The following BBOX1 variants were observed in gnomAD, a reference collection of about 807,000 sequenced individuals.
BBOX1 encodes gamma-butyrobetaine dioxygenase.
A neutral mutation model predicts 41.6 loss-of-function variants in BBOX1; 35 were observed. The ratio of observed to expected loss-of-function variants is 0.84; its 90% CI spans 0.64 to 1.11. BBOX1 has a LOEUF of 1.11. BBOX1 is among the 50% of genes most tolerant of loss of function. The probability of loss-of-function intolerance (pLI) is 0.00; values close to 1 mark genes in which losing one functional copy is unlikely to be tolerated. For missense variants in BBOX1, 458 were observed against 460.6 expected (o/e 0.99, Z 0.05); for synonymous variants, 163 against 154.7 (o/e 1.05, Z -0.40).
At chr11:27,043,459 C>CAGAATGTGCAGGGTTGGGGTACAT (rs1564948369) in intron 2 of BBOX1, among the ~76,000 whole-genome samples, 1 of 151,306 alleles carries the variant, frequency 6.6e-6, no homozygotes, top group African/African-American at 2.4e-5. Flanking sequence ...TTGGGGTACA[C>CAGAATGTGCAGGGTTGGGGTACAT]GTGCAGAATG....
chr11:27,049,819 CTCTT>C (rs1160527144), intron 2 of BBOX1, among the ~76,000 whole-genome samples: 2 of 152,218 alleles, frequency 1.3e-5, no homozygotes, highest in African/African-American at 2.4e-5. Context: ...TCTCCTCACT[CTCTT>C]TATTATTTCC....
chr11:27,075,516 T>C (rs1415738985), intron 4 of BBOX1, among the ~76,000 whole-genome samples: 2 of 151,900 alleles, frequency 1.3e-5, no homozygotes, highest in East Asian at 1.9e-4. Flanking sequence ...CTGGGGGAGC[T>C]CTCAGTGAAA....
chr11:27,067,513 T>C (rs1242648327), intron 4 of BBOX1, among the ~76,000 whole-genome samples: 1 of 151,922 alleles, frequency 6.6e-6, no homozygotes, highest in Non-Finnish European at 1.5e-5. Context: ...GGCAGGTGGA[T>C]CACCTGAGGT....
intron 4 of BBOX1, among the ~76,000 whole-genome samples, chr11:27,057,602 C>T (rs555714043): frequency 4.7e-4 from 71 of 152,234 alleles, no homozygotes; most frequent in African/African-American, 1.5e-3. Context: ...ACAGACACTC[C>T]GTAAGTGTTC....
chr11:27,053,937 G>C (rs1394055514), intron 2 of BBOX1, among the ~76,000 whole-genome samples: 1 of 152,082 alleles, frequency 6.6e-6, no homozygotes, highest in Non-Finnish European at 1.5e-5. Flanking sequence ...TGAAGCTAAA[G>C]GGACAAAGCA....
chr11:27,095,702 T>A (rs1217214874), intron 5 of BBOX1, among the ~76,000 whole-genome samples: 1 of 152,048 alleles, frequency 6.6e-6, no homozygotes, highest in African/African-American at 2.4e-5. Flanking sequence ...TTTAATTCTC[T>A]ACCTCAAGAA....
intron 5 of BBOX1, among the ~76,000 whole-genome samples, chr11:27,111,914 C>T (rs1335328784): frequency 6.6e-6 from 1 of 151,736 alleles, no homozygotes; most frequent in East Asian, 1.9e-4. Context: ...GTTTGAAATC[C>T]TTGACGAATT....
chr11:27,124,231 C>G (rs1217478983), intron 7 of BBOX1, among the ~76,000 whole-genome samples: 1 of 152,160 alleles, frequency 6.6e-6, no homozygotes, highest in Non-Finnish European at 1.5e-5. Flanking sequence ...GTTGTTGGCT[C>G]TCATTAGCAC....
chr11:27,076,074 C>G (rs1482321869), intron 4 of BBOX1, among the ~76,000 whole-genome samples: 3 of 152,196 alleles, frequency 2.0e-5, no homozygotes, highest in African/African-American at 7.2e-5. Context: ...TAATGTGGTA[C>G]ATTCACTCTC....
intron 4 of BBOX1, among the ~76,000 whole-genome samples, chr11:27,059,516 T>A (rs1022966227): frequency 3.9e-5 from 6 of 152,162 alleles, no homozygotes; most frequent in Non-Finnish European, 7.4e-5. Flanking sequence ...CACTACCTAA[T>A]GGAGCTGTGG....
chr11:27,059,476 T>C (rs1250427192), intron 4 of BBOX1, among the ~76,000 whole-genome samples: 1 of 152,182 alleles, frequency 6.6e-6, no homozygotes, highest in Non-Finnish European at 1.5e-5. Context: ...GAAAATGAGT[T>C]GGAGGCCCCA....
Position 27,125,739 on chromosome 11 carries a change from C to A in BBOX1, c.922C>A (p.Gln308Lys). 6.2e-7 allele frequency: 1 copy of A among 1,613,590 alleles called. No homozygotes were observed. Among genetic ancestry groups the A allele is most frequent in the Non-Finnish European group, 8.5e-7 (1 of 1,179,744 alleles). ...TIFDVPVERV[Q>K]PFYAALKEFV... ...ATTTGATGTGCCTGTTGAAAGAGTT[C>A]AGCCTTTTTATGCTGCTCTGAAGGA... Residue 308 changes from glutamine (Q) to lysine (K), a missense_variant, in exon 8 of 9, where the codon CAG (glutamine) becomes AAG (lysine). Physicochemically the swap from Gln to Lys is moderately conservative, Grantham distance 53. Transcript: ENST00000263182.
chr11:27,070,445 T>A (rs555379248), intron 4 of BBOX1, among the ~76,000 whole-genome samples: 5 of 152,260 alleles, frequency 3.3e-5, no homozygotes, highest in East Asian at 1.9e-4. Flanking sequence ...AGCTCCAGAG[T>A]TAGAGGCATA....
At chr11:27,048,876 T>G (rs1490465046) in intron 2 of BBOX1, among the ~76,000 whole-genome samples, 2 of 147,284 alleles carry the variant, frequency 1.4e-5, no homozygotes, top group Admixed American at 1.4e-4. Flanking sequence ...TAGGTATATC[T>G]CCCAATGCTA....
At chr11:27,111,894 G>A (rs1471761449) in intron 5 of BBOX1, among the ~76,000 whole-genome samples, 1 of 151,856 alleles carries the variant, frequency 6.6e-6, no homozygotes, top group East Asian at 1.9e-4. Flanking sequence ...TATCAGTTTG[G>A]TATTTCATTG....
At chr11:27,118,742 A>G (rs1859352592) in intron 6 of BBOX1, among the ~76,000 whole-genome samples, 1 of 152,012 alleles carries the variant, frequency 6.6e-6, no homozygotes, top group African/African-American at 2.4e-5. Context: ...TAACTGTACA[A>G]AAGAAAGTAT....
chr11:27,115,455 T>A lies in BBOX1; in HGVS notation c.537T>A (p.His179Gln). 6.2e-7 allele frequency: 1 copy of A among 1,608,626 alleles called. No individual in the cohort carries two copies. Among genetic ancestry groups the A allele is most frequent in the East Asian group, 2.2e-5 (1 of 44,640 alleles). The change falls in exon 6 of 9, where the codon CAT (histidine) becomes CAA (glutamine). Residue 179 changes from histidine to glutamine, a missense_variant. By Grantham distance (24) the His-to-Gln change is conservative. Transcript: ENST00000263182. ...MGFLYLTFYG[H>Q]TWQVQDKIDA... ...ATGTGTTTCTTGCATTTTACAGACA[T>A]ACTTGGCAAGTGCAAGACAAAATCG...
chr11:27,103,047 G>A (rs975922269), intron 5 of BBOX1, among the ~76,000 whole-genome samples: 1 of 151,948 alleles, frequency 6.6e-6, no homozygotes, highest in Admixed American at 6.6e-5. Context: ...AAAAATAGCT[G>A]AGCCTGATGG....
chr11:27,121,408 T>G (rs1275719936), intron 7 of BBOX1, among the ~76,000 whole-genome samples: 1 of 152,168 alleles, frequency 6.6e-6, no homozygotes, highest in African/African-American at 2.4e-5. Flanking sequence ...CTTTGATATT[T>G]ATGTAAATTT....
Sources: allele counts gnomAD v4.1 joint callset (sites outside exome capture counted in the v4.1 genomes callset), GRCh38; gene constraint gnomAD v4.1.1; transcripts MANE v1.5; gene names NCBI Gene and HGNC (gene_info 2026-07-23, HGNC 2026-07-21).